Variants in DCDC2C observed in about 807,000 individuals in gnomAD.
DCDC2C encodes doublecortin domain-containing protein 2C.
In DCDC2C, 44 loss-of-function variants were observed where a neutral mutation model predicts 45.0. The ratio of observed to expected loss-of-function variants is 0.98; its 90% confidence interval spans 0.77 to 1.26. The LOEUF (loss-of-function observed/expected upper bound fraction) is 1.26. Among genes scored for constraint, DCDC2C ranks in the 50% most tolerant of loss-of-function variants. The probability of loss-of-function intolerance (pLI) is 0.00; values close to 1 mark genes in which losing one functional copy is unlikely to be tolerated. For missense variants in DCDC2C, 447 were observed against 468.9 expected (o/e 0.95, Z 0.43); for synonymous variants, 187 against 178.8 (o/e 1.05, Z -0.37).
chr2:3,729,214 G>A (rs2148078989), intron 3 of DCDC2C, among the ~76,000 whole-genome samples: 1 of 152,288 alleles, frequency 6.6e-6, no homozygotes, highest in Non-Finnish European at 1.5e-5. Flanking sequence ...GGGACTCCCT[G>A]CCCTTTACAG....
chr2:3,806,789 C>T (rs1354561056), intron 10 of DCDC2C, among the ~76,000 whole-genome samples: 6 of 152,014 alleles, frequency 3.9e-5, no homozygotes, highest in Non-Finnish European at 2.9e-5. Flanking sequence ...CCTTGTGATC[C>T]GCCCACCTTG....
chr2:3,806,501 T>C lies in DCDC2C; in HGVS notation c.1065+21401T>C, dbSNP rs193026316. Among the ~76,000 whole-genome samples, 73 of 151,992 alleles carry C rather than the reference T, an allele frequency of 4.8e-4. 1 individual carries two copies. In the East Asian group the frequency reaches 0.013, roughly 27 times the overall value. ...TCTCTTGAAATCCTCATTGACAAAG[T>C]GCATGAGCTTCAACACGTGGGCTTG... is the stretch of plus-strand genomic sequence containing the variant. On this transcript the variant is annotated intron_variant, in intron 10 of 10. Coordinates refer to ENST00000399143, the MANE Select transcript of DCDC2C (RefSeq NM_001287444.2).
At chr2:3,805,909 C>T (rs889510536) in intron 10 of DCDC2C, among the ~76,000 whole-genome samples, 2 of 152,214 alleles carry the variant, frequency 1.3e-5, no homozygotes, top group African/African-American at 4.8e-5. Context: ...GGGTCTTGCT[C>T]TGTCAACCAG....
intron 10 of DCDC2C, among the ~76,000 whole-genome samples, chr2:3,799,739 C>G (rs1235761400): frequency 6.6e-6 from 1 of 152,274 alleles, no homozygotes; most frequent in Admixed American, 6.5e-5. Flanking sequence ...AGATCTCCAG[C>G]TGTGTGCTGG....
At chr2:3,704,709 A>AGGGGGGGAGGGGCGTG (rs577775194) in intron 1 of DCDC2C, among the ~76,000 whole-genome samples, 3 of 22,574 alleles carry the variant, frequency 1.3e-4, no homozygotes, top group Non-Finnish European at 7.9e-5. Flanking sequence ...GGGGAGGGGG[A>AGGGGGGGAGGGGCGTG]GGGGGGAGGG....
chr2:3,845,449 C>T (rs1672304288), intron 10 of DCDC2C, among the ~76,000 whole-genome samples: 1 of 152,202 alleles, frequency 6.6e-6, no homozygotes. Context: ...AAGATCAGAC[C>T]AGTTTCACAC....
intron 8 of DCDC2C, among the ~76,000 whole-genome samples, chr2:3,778,460 C>T (rs1670413784): frequency 1.3e-5 from 2 of 152,170 alleles, no homozygotes; most frequent in Admixed American, 6.5e-5. Flanking sequence ...GGAGTGAGGG[C>T]AGGCAGGCTG....
chr2:3,705,804 TG>T (rs150527711), intron 1 of DCDC2C, among the ~76,000 whole-genome samples: 6,308 of 152,324 alleles, frequency 0.041, 179 homozygotes, highest in East Asian at 0.1. Flanking sequence ...AAAATTGAGA[TG>T]TTTTTCTTCC....
intron 2 of DCDC2C, among the ~76,000 whole-genome samples, chr2:3,723,914 C>G (rs1461210754): frequency 6.6e-6 from 1 of 152,084 alleles, no homozygotes; most frequent in East Asian, 1.9e-4. Flanking sequence ...TGAGCCATAA[C>G]AAGATAGAGG....
intron 2 of DCDC2C, among the ~76,000 whole-genome samples, chr2:3,726,543 G>A (rs919632231): frequency 2.6e-5 from 4 of 152,146 alleles, no homozygotes; most frequent in East Asian, 1.9e-4. Flanking sequence ...AGGGGCTCCC[G>A]CCTCCTGGCC....
intron 6 of DCDC2C, among the ~76,000 whole-genome samples, chr2:3,758,515 G>A (rs1669788191): frequency 1.3e-5 from 2 of 152,342 alleles, no homozygotes; most frequent in South Asian, 2.1e-4. Flanking sequence ...TATCAATTGA[G>A]TATATTCTTC....
chr2:3,757,957 AC>A (rs1470377400), intron 6 of DCDC2C, among the ~76,000 whole-genome samples: 9 of 152,298 alleles, frequency 5.9e-5, no homozygotes, highest in African/African-American at 2.2e-4. Flanking sequence ...GAGAGTGGGC[AC>A]GTAGGGGTCA....
At chr2:3,732,724 C>T (rs1188638232) in intron 3 of DCDC2C, among the ~76,000 whole-genome samples, 1 of 152,122 alleles carries the variant, frequency 6.6e-6, no homozygotes, top group Non-Finnish European at 1.5e-5. Flanking sequence ...TCTTGTTAGC[C>T]AGGAGGTGTA....
intron 1 of DCDC2C, among the ~76,000 whole-genome samples, chr2:3,706,555 T>C (rs984869165): frequency 2.0e-5 from 3 of 151,616 alleles, no homozygotes; most frequent in Non-Finnish European, 4.4e-5. Context: ...TGTGTGTGCG[T>C]GTGTGTGTGT....
At chr2:3,821,620 C>T (rs1572641824) in intron 10 of DCDC2C, among the ~76,000 whole-genome samples, 2 of 152,174 alleles carry the variant, frequency 1.3e-5, no homozygotes, top group Non-Finnish European at 1.5e-5. Context: ...GGCTTTTCTG[C>T]GTCTATTAAG....
At chr2:3,752,564 A>T in intron 4 of DCDC2C, 199 bp from the exon 5 acceptor site, 1 of 691,206 alleles carries the variant, frequency 1.4e-6, no homozygotes, top group Non-Finnish European at 2.6e-6. Context: ...AAAAATCTAA[A>T]AGTGGAAAGC....
At chr2:3,791,999 T>C (rs1385673009) in intron 10 of DCDC2C, among the ~76,000 whole-genome samples, 2 of 152,230 alleles carry the variant, frequency 1.3e-5, no homozygotes, top group African/African-American at 4.8e-5. Flanking sequence ...CATTTTTTTT[T>C]TAATTCACCA....
chr2:3,716,508 A>G (rs1212973961), intron 2 of DCDC2C, among the ~76,000 whole-genome samples: 1 of 152,146 alleles, frequency 6.6e-6, no homozygotes, highest in African/African-American at 2.4e-5. Flanking sequence ...TAGAAGAGAG[A>G]TGGGAGATAC....
chr2:3,762,532 G>A (rs1444731311), intron 6 of DCDC2C, among the ~76,000 whole-genome samples: 1 of 152,146 alleles, frequency 6.6e-6, no homozygotes. Context: ...TCCAATCATG[G>A]CAGAAGGTGA....
Sources: gnomAD v4.1 joint callset for allele counts (sites outside exome capture counted in the v4.1 genomes callset) on GRCh38, gnomAD v4.1.1 for gene constraint, MANE v1.5 for transcripts, NCBI Gene and HGNC (gene_info 2026-07-23, HGNC 2026-07-21) for gene names.